BCAT1: variants seen among roughly 807,000 people sequenced by gnomAD.
BCAT1 encodes the protein branched-chain-amino-acid aminotransferase, cytosolic.
BCAT1 carries 48 observed loss-of-function variants against 52.4 expected under a neutral mutation model. The ratio of observed to expected loss-of-function variants is 0.92; its 90% confidence interval spans 0.73 to 1.16. BCAT1 has a LOEUF of 1.16. BCAT1 is among the 50% of genes most tolerant of loss of function. The pLI is 0.00. For synonymous variants in BCAT1, 167 were observed against 161.3 expected, an observed-to-expected ratio of 1.04 and a Z score of -0.27; for missense variants, 451 against 457.1, an observed-to-expected ratio of 0.99 and a Z score of 0.12.
At chr12:24,918,359 G>A (rs1406268853) in intron 1 of BCAT1, among the ~76,000 whole-genome samples, 1 of 152,172 alleles carries the variant, frequency 6.6e-6, no homozygotes, top group African/African-American at 2.4e-5. Flanking sequence ...TAGGCTCATA[G>A]AGGACCCAAC....
chr12:24,881,833 T>C (rs1446988436), intron 3 of BCAT1, among the ~76,000 whole-genome samples: 2 of 152,154 alleles, frequency 1.3e-5, no homozygotes, highest in Non-Finnish European at 2.9e-5. Flanking sequence ...ATCTGGTTCA[T>C]TTGAATGCTG....
intron 5 of BCAT1, among the ~76,000 whole-genome samples, chr12:24,855,596 G>T (rs1433274217): frequency 6.6e-6 from 1 of 151,972 alleles, no homozygotes; most frequent in East Asian, 1.9e-4. Flanking sequence ...GGCCAGGCTG[G>T]TCTCAAATCC....
Position 24,837,113 on chromosome 12 carries a change from G to A in BCAT1, c.818-517C>T, listed in dbSNP as rs201556475. Among the ~76,000 whole-genome samples, 132 of 83,824 alleles carry A rather than the reference G, an allele frequency of 1.6e-3. 9 individuals are homozygous for A. Among genetic ancestry groups the A allele is most frequent in the East Asian group, 0.015 (52 of 3,584 alleles). 55.0% of individuals were successfully genotyped at this position (83,824 alleles called of 152,430 possible). Reference sequence around the variant, plus strand: ...GGAGGGAGAAAGGAAGGAAGAAAGAGAAGGAAGGGAGGAAGGGGGGAGGGA... The same window carrying A: ...GGAGGGAGAAAGGAAGGAAGAAAGAAAAGGAAGGGAGGAAGGGGGGAGGGA... On this transcript the variant is annotated intron_variant, in intron 7 of 10. Transcript: ENST00000261192.
At chr12:24,887,111 A>ATATATATATATATAT (rs1942702628) in intron 3 of BCAT1, among the ~76,000 whole-genome samples, 11 of 127,190 alleles carry the variant, frequency 8.6e-5, no homozygotes, top group South Asian at 2.6e-4. Flanking sequence ...ATATATATAT[A>ATATATATATATATAT]AAGCTGATAA....
intron 6 of BCAT1, among the ~76,000 whole-genome samples, chr12:24,847,456 G>A (rs191572012): frequency 3.9e-5 from 6 of 152,240 alleles, no homozygotes; most frequent in East Asian, 1.9e-4. Flanking sequence ...CGACATTTAC[G>A]CACCATTATG....
intron 1 of BCAT1, among the ~76,000 whole-genome samples, chr12:24,945,121 T>C (rs1200662768): frequency 5.3e-5 from 8 of 152,230 alleles, no homozygotes; most frequent in Non-Finnish European, 1.2e-4. Context: ...TTGTGGACTT[T>C]AGAGCACAAA....
intron 1 of BCAT1, among the ~76,000 whole-genome samples, chr12:24,927,122 T>C (rs1416399473): frequency 6.6e-6 from 1 of 152,168 alleles, no homozygotes; most frequent in Non-Finnish European, 1.5e-5. Flanking sequence ...GTCATTTGCT[T>C]TGAGTTAAAT....
At chr12:24,907,935 C>CATG (rs1031678372) in intron 1 of BCAT1, among the ~76,000 whole-genome samples, 12 of 152,210 alleles carry the variant, frequency 7.9e-5, no homozygotes, top group African/African-American at 2.7e-4. Context: ...CACACGAACA[C>CATG]ACATGACAAT....
At chr12:24,943,819 C>T (rs1434587133) in intron 1 of BCAT1, among the ~76,000 whole-genome samples, 2 of 151,624 alleles carry the variant, frequency 1.3e-5, no homozygotes, top group Non-Finnish European at 2.9e-5. Flanking sequence ...CCCGTCTCTA[C>T]AAAAAATACA....
At chr12:24,835,090 A>G (rs1385972987) in intron 8 of BCAT1, among the ~76,000 whole-genome samples, 1 of 152,200 alleles carries the variant, frequency 6.6e-6, no homozygotes, top group Non-Finnish European at 1.5e-5. Context: ...AACCTTCTGT[A>G]CTTGGTTGAT....
chr12:24,818,112 A>G (rs1038118740), intron 10 of BCAT1, 63 bp from the exon 11 acceptor site: 1 of 1,535,558 alleles, frequency 6.5e-7, no homozygotes, highest in African/African-American at 1.4e-5. Context: ...ATAGCTTACA[A>G]ACAAACTTAA....
In BCAT1 at chr12:24,813,056, TCCC is replaced by T. The variant is rs1037195940; in HGVS notation, c.*4949_*4951del. On this transcript the variant is annotated 3_prime_UTR_variant, in exon 11 of 11. Transcript: ENST00000261192. ...CACTTCAAATTTGTTCTTCTTTTTC[TCCC>T]CCATCACCCCCATTTCAATTTTTAA... 4 of 152,094 alleles carry T rather than the reference TCCC, an allele frequency of 2.6e-5. No individual in the cohort carries two copies. Among genetic ancestry groups the T allele is most frequent in the African/African-American group, 9.6e-5 (4 of 41,540 alleles). 9.4% of individuals were successfully genotyped at this position (152,094 alleles called of 1,614,324 possible).
At chr12:24,936,172 T>C (rs1943750358) in intron 1 of BCAT1, among the ~76,000 whole-genome samples, 1 of 152,244 alleles carries the variant, frequency 6.6e-6, no homozygotes, top group Non-Finnish European at 1.5e-5. Flanking sequence ...TACCAAAATC[T>C]GTATTCGTGT....
At chr12:24,834,470 T>G in intron 8 of BCAT1, 1 of 982,596 alleles carries the variant, frequency 1.0e-6, no homozygotes, top group Non-Finnish European at 1.2e-6. Context: ...ACCTCAGTGG[T>G]TCAAGTTCAA....
rs114459618 is a variant in BCAT1 at position 24,905,539 on chromosome 12, G to A, written c.7-3654C>T. ...CCCAATGAAAGGGCCCATGGAATCA[G>A]AATCAGATAACCTTAAAGGTTTGCT... On this transcript the variant is annotated intron_variant, in intron 1 of 10. Transcript: ENST00000261192. 2.5e-3 allele frequency among the ~76,000 whole-genome samples: 376 copies of A among 152,300 alleles called. 1 individual carries two copies. Among genetic ancestry groups the A allele is most frequent in the African/African-American group, 8.7e-3 (363 of 41,560 alleles).
intron 1 of BCAT1, among the ~76,000 whole-genome samples, chr12:24,935,622 T>C (rs903513928): frequency 6.6e-6 from 1 of 152,212 alleles, no homozygotes; most frequent in African/African-American, 2.4e-5. Flanking sequence ...TCCCAAGTCA[T>C]CATGTCTTTG....
intron 2 of BCAT1, among the ~76,000 whole-genome samples, chr12:24,898,108 A>C (rs979131588): frequency 1.3e-5 from 2 of 152,220 alleles, no homozygotes; most frequent in Non-Finnish European, 2.9e-5. Flanking sequence ...GTTTTAAGGG[A>C]ACGATTTGTT....
At chr12:24,908,264 T>C (rs1943257960) in intron 1 of BCAT1, among the ~76,000 whole-genome samples, 1 of 152,194 alleles carries the variant, frequency 6.6e-6, no homozygotes. Context: ...TTATATGCAT[T>C]GTGACTGTTC....
At position 24,938,864 on chromosome 12, in the gene BCAT1, C is replaced by CTATTTATT. The variant is rs10662028; in HGVS notation, c.6+10055_6+10062dup. On this transcript the variant is annotated intron_variant, in intron 1 of 10. Transcript: ENST00000261192. ...TACTATATGCACATTATTGCCTTTG[C>CTATTTATT]TATTTATTTATTTATTTATTTATTC... is the stretch of plus-strand genomic sequence containing the variant. Among the ~76,000 whole-genome samples, 264 of 150,146 alleles carry CTATTTATT rather than the reference C, an allele frequency of 1.8e-3. 1 individual carries two copies. The highest frequency in any genetic ancestry group is 6.7e-3 in the East Asian group (34 of 5,084).
Sources: allele counts gnomAD v4.1 joint callset (sites outside exome capture counted in the v4.1 genomes callset), GRCh38; gene constraint gnomAD v4.1.1; transcripts MANE v1.5; gene names NCBI Gene and HGNC (gene_info 2026-07-23, HGNC 2026-07-21).